Variants in XK observed in about 807,000 individuals in gnomAD.
XK encodes X-linked Kx blood group antigen, Kell and VPS13A binding protein.
A neutral mutation model predicts 14.0 loss-of-function variants in XK; 2 were observed. The observed-to-expected ratio is 0.14, with a 90% CI of 0.06 to 0.45. The LOEUF is 0.45. Among genes scored for constraint, XK ranks in the 20% least tolerant of loss-of-function variants. The probability of loss-of-function intolerance (pLI) is 0.98; values close to 1 mark genes in which losing one functional copy is unlikely to be tolerated. For missense variants in XK, 235 were observed against 341.5 expected (o/e 0.69, Z 2.46); for synonymous variants, 149 against 147.5 (o/e 1.01, Z -0.08).
In XK at chrX:37,686,351, C is replaced by T. The variant is rs193045949; in HGVS notation, c.245+145C>T. On this transcript the variant is annotated intron_variant, in intron 1 of 2. Transcript: ENST00000378616. ...GCCGGTCCGCCATGCCCCTCAGCCCCATTATTCCAGTCAGGAACGCGACGA... is the reference window on the plus strand; with the variant it reads ...GCCGGTCCGCCATGCCCCTCAGCCCTATTATTCCAGTCAGGAACGCGACGA... 5.7e-6 allele frequency: 6 copies of T among 1,061,814 alleles called. No homozygotes were observed. In the East Asian group the frequency reaches 1.7e-4, roughly 30 times the overall value. 87.5% of individuals were successfully genotyped at this position (1,061,814 alleles called of 1,213,427 possible).
At chrX:37,711,448 C>T (rs1927664209) in intron 2 of XK, among the ~76,000 whole-genome samples, 1 of 112,457 alleles carries the variant, frequency 8.9e-6, no homozygotes, top group Admixed American at 9.4e-5. Context: ...GCCCATGGGG[C>T]CACCCCCAAA....
chrX:37,690,901 C>A (rs928893728), intron 1 of XK, among the ~76,000 whole-genome samples: 3 of 112,031 alleles, frequency 2.7e-5, no homozygotes, highest in Non-Finnish European at 5.6e-5. Flanking sequence ...AAATAAAAAA[C>A]CAAAAAATAA....
At chrX:37,705,421 C>T (rs782176707) in intron 2 of XK, among the ~76,000 whole-genome samples, 2 of 107,104 alleles carry the variant, frequency 1.9e-5, no homozygotes, top group East Asian at 2.9e-4. Flanking sequence ...CACTGGACTC[C>T]AGCCTGGGTG....
intron 1 of XK, among the ~76,000 whole-genome samples, chrX:37,687,405 C>T (rs2146807239): frequency 9.0e-6 from 1 of 110,512 alleles, no homozygotes; most frequent in South Asian, 4.0e-4. Flanking sequence ...GTAGCTAGGA[C>T]TGCAGGCAAG....
At chrX:37,712,905 A>G (rs1439404008) in intron 2 of XK, among the ~76,000 whole-genome samples, 2 of 112,202 alleles carry the variant, frequency 1.8e-5, no homozygotes, top group Non-Finnish European at 3.8e-5. Context: ...ACTTCATATA[A>G]TAAGTTCAGA....
intron 2 of XK, among the ~76,000 whole-genome samples, chrX:37,713,553 A>G (rs1461357112): frequency 2.7e-5 from 3 of 111,287 alleles, no homozygotes; most frequent in Admixed American, 9.5e-5. Flanking sequence ...GACATGATGA[A>G]GAGGGAGGTT....
At chrX:37,692,211 C>G (rs1253727418) in intron 1 of XK, among the ~76,000 whole-genome samples, 1 of 110,643 alleles carries the variant, frequency 9.0e-6, no homozygotes, top group Non-Finnish European at 1.9e-5. Flanking sequence ...CATGTCATAA[C>G]TAAAAGTGCT....
intron 2 of XK, among the ~76,000 whole-genome samples, chrX:37,701,805 G>A (rs1333872641): frequency 9.1e-6 from 1 of 109,416 alleles, no homozygotes; most frequent in Non-Finnish European, 1.9e-5. Flanking sequence ...TGGGCCACTG[G>A]CTGTGAGAGT....
chrX:37,703,622 G>A (rs1927456356), intron 2 of XK, among the ~76,000 whole-genome samples: 1 of 112,232 alleles, frequency 8.9e-6, no homozygotes, highest in Non-Finnish European at 1.9e-5. Flanking sequence ...TTACAGCTGA[G>A]GCCACTGAGG....
intron 2 of XK, among the ~76,000 whole-genome samples, chrX:37,698,990 G>A (rs1357077118): frequency 8.9e-6 from 1 of 112,306 alleles, no homozygotes; most frequent in African/African-American, 3.2e-5. Context: ...TATTCCAGAG[G>A]CAATGGGAAG....
Position 37,719,900 on chromosome X carries a change from A to G in XK, c.509-7736A>G, listed in dbSNP as rs1402569422. Among the ~76,000 whole-genome samples the G allele has an allele frequency of 9.0e-5, 10 of 111,290 alleles. No homozygotes were observed. In the Admixed American group the frequency reaches 9.5e-4, roughly 11 times the overall value. On this transcript the variant is annotated intron_variant, in intron 2 of 2. Coordinates refer to ENST00000378616, the MANE Select transcript of XK (RefSeq NM_021083.4). ...TAGAGAAAATTTGAGGCTCTGCATG[A>G]ACTATCTTTCTCCAGGAAGATTTTG...
chrX:37,713,880 A>G (rs782304788), intron 2 of XK, among the ~76,000 whole-genome samples: 1 of 111,891 alleles, frequency 8.9e-6, no homozygotes, highest in Non-Finnish European at 1.9e-5. Context: ...ACTAATCTTT[A>G]TTTACTCCAG....
At chrX:37,709,968 G>A (rs1556446336) in intron 2 of XK, among the ~76,000 whole-genome samples, 1 of 111,726 alleles carries the variant, frequency 9.0e-6, no homozygotes, top group African/African-American at 3.3e-5. Context: ...CCTCAGTCCA[G>A]ATTTTAATAG....
intron 2 of XK, among the ~76,000 whole-genome samples, chrX:37,698,135 A>G (rs1453235961): frequency 8.9e-6 from 1 of 111,951 alleles, no homozygotes. Context: ...GCAGCCTGCC[A>G]TTTGGCTTGC....
At chrX:37,693,745 C>T (rs951294611) in intron 1 of XK, among the ~76,000 whole-genome samples, 3 of 111,565 alleles carry the variant, frequency 2.7e-5, no homozygotes, top group Non-Finnish European at 3.8e-5. Context: ...GGAGGATTTC[C>T]GAGCCATAGC....
chrX:37,689,282 T>G (rs1927159464), intron 1 of XK, among the ~76,000 whole-genome samples: 1 of 112,119 alleles, frequency 8.9e-6, no homozygotes, highest in Non-Finnish European at 1.9e-5. Flanking sequence ...TTTGTTCTTG[T>G]GTATTAGCCT....
rs907942591 is a variant in XK at position 37,730,810 on chromosome X, A to G, written c.*2348A>G. The stretch of plus-strand genomic sequence containing the variant: ...TTCAAATACATTCTAAATCACTTTA[A>G]TTTAGAAGATAGGTGAGCAACTTGA... On this transcript the variant is annotated 3_prime_UTR_variant, in exon 3 of 3. Coordinates refer to ENST00000378616, the MANE Select transcript of XK (RefSeq NM_021083.4). The G allele has an allele frequency of 2.7e-5, 3 of 112,321 alleles. No homozygotes were observed. The highest frequency in any genetic ancestry group is 9.7e-5 in the African/African-American group (3 of 30,898). 9.3% of individuals were successfully genotyped at this position (112,321 alleles called of 1,213,427 possible). A position where few individuals can be genotyped will look rare whatever the true frequency, so the allele number is the denominator to read the frequency against.
chrX:37,705,759 C>CT lies in XK; in HGVS notation c.508+11222dup, dbSNP rs1192047392. On this transcript the variant is annotated intron_variant, in intron 2 of 2. Transcript: ENST00000378616. ...TTTCTTTTTCTTTCTTTCTTTCTTT[C>CT]TTTTTTTTTTTGAGACAGGGTCTCA... 1.4e-3 allele frequency among the ~76,000 whole-genome samples: 142 copies of CT among 99,909 alleles called. 1 individual carries two copies. Among genetic ancestry groups the CT allele is most frequent in the Middle Eastern group, 9.9e-3 (2 of 203 alleles). The allele number at this position is 99,909 out of a possible 115,157, so 86.8% of individuals were successfully genotyped here. A position where few individuals can be genotyped will look rare whatever the true frequency, so the allele number is the denominator to read the frequency against.
chrX:37,722,746 A>G (rs1309634540), intron 2 of XK, among the ~76,000 whole-genome samples: 2 of 111,876 alleles, frequency 1.8e-5, no homozygotes, highest in Non-Finnish European at 1.9e-5. Context: ...ACAGAAAACA[A>G]CCATCTACCA....
Sources: allele counts gnomAD v4.1 joint callset (sites outside exome capture counted in the v4.1 genomes callset), GRCh38; gene constraint gnomAD v4.1.1; transcripts MANE v1.5; gene names NCBI Gene and HGNC (gene_info 2026-07-23, HGNC 2026-07-21).